The following MAGI2 variants were observed in gnomAD, a reference collection of about 807,000 sequenced individuals.
MAGI2 encodes membrane associated guanylate kinase, WW and PDZ domain containing 2, also known as membrane-associated guanylate kinase, WW and PDZ domain-containing protein 2.
A neutral mutation model predicts 133.3 loss-of-function variants in MAGI2; 35 were observed. The observed-to-expected ratio is 0.26, with a 90% CI of 0.20 to 0.35. MAGI2 has a LOEUF of 0.35. Among genes scored for constraint, MAGI2 ranks in the 10% least tolerant of loss-of-function variants. MAGI2 has a pLI of 1.00. For synonymous variants in MAGI2, 729 were observed against 710.6 expected (o/e 1.03, Z -0.41); for missense variants, 1,636 against 1,863.4 (o/e 0.88, Z 2.25).
chr7:78,249,176 G>A (rs1282241344), intron 10 of MAGI2, among the ~76,000 whole-genome samples: 1 of 151,996 alleles, frequency 6.6e-6, no homozygotes, highest in African/African-American at 2.4e-5. Flanking sequence ...TCACCTCAAT[G>A]TGTTAAGATA....
chr7:78,166,300 T>C (rs1371766627), intron 15 of MAGI2, among the ~76,000 whole-genome samples: 1 of 152,212 alleles, frequency 6.6e-6, no homozygotes, highest in African/African-American at 2.4e-5. Flanking sequence ...TCCTTGTAAA[T>C]CAGGTATCTT....
intron 21 of MAGI2, among the ~76,000 whole-genome samples, chr7:78,036,626 G>A (rs990499674): frequency 2.0e-5 from 3 of 150,052 alleles, no homozygotes; most frequent in African/African-American, 7.3e-5. Flanking sequence ...TAACTTTTTA[G>A]TTTTTTTTTT....
chr7:78,342,622 T>C (rs911265851), intron 9 of MAGI2, among the ~76,000 whole-genome samples: 11 of 152,184 alleles, frequency 7.2e-5, no homozygotes, highest in Non-Finnish European at 1.6e-4. Context: ...TGGAATACTA[T>C]GCAGCCATAA....
intron 2 of MAGI2, among the ~76,000 whole-genome samples, chr7:78,819,089 T>C (rs1021514904): frequency 3.3e-5 from 5 of 152,166 alleles, no homozygotes; most frequent in African/African-American, 1.2e-4. Flanking sequence ...CAGCTTTAGA[T>C]CTAGCCAAGC....
intron 10 of MAGI2, among the ~76,000 whole-genome samples, chr7:78,229,764 C>A (rs976451291): frequency 6.6e-6 from 1 of 152,162 alleles, no homozygotes; most frequent in Non-Finnish European, 1.5e-5. Flanking sequence ...AGACCTCCAA[C>A]CCAAGTGGGA....
chr7:78,177,983 G>A, intron 14 of MAGI2, 28 bp downstream of exon 14: 2 of 1,505,704 alleles, frequency 1.3e-6, no homozygotes, highest in Admixed American at 1.7e-5. Flanking sequence ...ACAGCCCCAA[G>A]CATGGAAATA....
intron 2 of MAGI2, among the ~76,000 whole-genome samples, chr7:78,680,445 G>A (rs1056726533): frequency 9.9e-5 from 15 of 152,148 alleles, no homozygotes; most frequent in African/African-American, 3.4e-4. Flanking sequence ...GTTTGTAAAA[G>A]TGGGAAGTAA....
At chr7:78,308,527 C>CT (rs910151801) in intron 9 of MAGI2, among the ~76,000 whole-genome samples, 47 of 145,618 alleles carry the variant, frequency 3.2e-4, no homozygotes, top group South Asian at 6.6e-4. Context: ...TCCGACCCAT[C>CT]TTTTTTTTTT....
At chr7:78,508,521 T>C (rs1299107029) in intron 4 of MAGI2, among the ~76,000 whole-genome samples, 1 of 152,190 alleles carries the variant, frequency 6.6e-6, no homozygotes, top group Non-Finnish European at 1.5e-5. Context: ...TGTTAAGAAA[T>C]TACCCGTTAA....
chr7:78,785,371 C>T (rs1444284242), intron 2 of MAGI2, among the ~76,000 whole-genome samples: 1 of 152,042 alleles, frequency 6.6e-6, no homozygotes, highest in Non-Finnish European at 1.5e-5. Context: ...TTTTACAGCC[C>T]AATAGTACAA....
intron 3 of MAGI2, among the ~76,000 whole-genome samples, chr7:78,544,211 A>T (rs1798632522): frequency 6.6e-6 from 1 of 152,230 alleles, no homozygotes; most frequent in Non-Finnish European, 1.5e-5. Context: ...ATCAACAGAC[A>T]GCTGTTCAGC....
chr7:79,328,016 C>T (rs1388225100), intron 1 of MAGI2, among the ~76,000 whole-genome samples: 2 of 151,902 alleles, frequency 1.3e-5, no homozygotes, highest in African/African-American at 4.8e-5. Flanking sequence ...TTTAACTGGC[C>T]GTCCTCTGAG....
chr7:78,234,474 T>A (rs1790296351), intron 10 of MAGI2, among the ~76,000 whole-genome samples: 1 of 152,180 alleles, frequency 6.6e-6, no homozygotes, highest in South Asian at 2.1e-4. Flanking sequence ...TAGGGCAATC[T>A]GCATAACTTT....
chr7:79,244,313 G>C (rs953420363), intron 1 of MAGI2, among the ~76,000 whole-genome samples: 38 of 152,204 alleles, frequency 2.5e-4, no homozygotes, highest in African/African-American at 9.2e-4. Context: ...AGCAATCACA[G>C]TACCTGGTTT....
chr7:78,965,692 G>C (rs948932805), intron 2 of MAGI2, among the ~76,000 whole-genome samples: 1 of 152,060 alleles, frequency 6.6e-6, no homozygotes, highest in Non-Finnish European at 1.5e-5. Flanking sequence ...AAACTATGAC[G>C]TACAGAAATC....
intron 6 of MAGI2, among the ~76,000 whole-genome samples, chr7:78,378,662 A>C (rs113672208): frequency 0.015 from 2,342 of 151,946 alleles, 53 homozygotes; most frequent in African/African-American, 0.053. Flanking sequence ...AAATACACAC[A>C]CCCCCCACCA....
intron 21 of MAGI2, chr7:78,065,492 G>A (rs915532404): frequency 1.7e-6 from 1 of 584,160 alleles, no homozygotes; most frequent in Non-Finnish European, 3.0e-6. Context: ...CTATGAAAGA[G>A]AAAGCATTAT....
At chr7:78,866,372 G>T (rs747186431) in intron 2 of MAGI2, among the ~76,000 whole-genome samples, 44 of 151,860 alleles carry the variant, frequency 2.9e-4, no homozygotes, top group Non-Finnish European at 4.9e-4. Context: ...TAACTGAATA[G>T]ACATAATCTA....
chr7:79,004,071 C>A (rs1027804285), intron 2 of MAGI2, among the ~76,000 whole-genome samples: 1 of 152,064 alleles, frequency 6.6e-6, no homozygotes, highest in Non-Finnish European at 1.5e-5. Flanking sequence ...AATAGAATTG[C>A]CATATGGTTC....
Sources: allele counts gnomAD v4.1 joint callset (sites outside exome capture counted in the v4.1 genomes callset), GRCh38; gene constraint gnomAD v4.1.1; transcripts MANE v1.5; gene names NCBI Gene and HGNC (gene_info 2026-07-23, HGNC 2026-07-21).